The following PDCL2 variants were observed in gnomAD, a reference collection of about 807,000 sequenced individuals.
PDCL2 encodes phosducin like 2, also known as phosducin-like protein 2.
In PDCL2, 23 loss-of-function variants were observed where a neutral mutation model predicts 30.3. The ratio of observed to expected loss-of-function variants is 0.76; its 90% CI spans 0.55 to 1.08. The LOEUF is 1.08. Ranked by LOEUF, PDCL2 falls within the 50% of genes least tolerant of loss-of-function variation. PDCL2 has a pLI of 0.00. For synonymous variants in PDCL2, 68 were observed against 86.2 expected, an observed-to-expected ratio of 0.79 and a Z score of 1.17; for missense variants, 243 against 282.3, an observed-to-expected ratio of 0.86 and a Z score of 1.00.
chr4:55,579,177 C>CT (rs1017154763), intron 3 of PDCL2, among the ~76,000 whole-genome samples: 66 of 139,978 alleles, frequency 4.7e-4, no homozygotes, highest in Admixed American at 7.9e-4. Context: ...ACTCCTGGGA[C>CT]TTTTTTTTTT....
At chr4:55,567,344 G>A (rs1400204826) in intron 4 of PDCL2, among the ~76,000 whole-genome samples, 4 of 152,018 alleles carry the variant, frequency 2.6e-5, no homozygotes, top group Non-Finnish European at 5.9e-5. Context: ...ACCGGTCTGG[G>A]CGACATAACA....
At chr4:55,571,557 G>T (rs1311264677) in intron 3 of PDCL2, among the ~76,000 whole-genome samples, 3 of 91,130 alleles carry the variant, frequency 3.3e-5, no homozygotes, top group African/African-American at 1.0e-4. Context: ...CATGGTGGCG[G>T]GCGCCTGTGG....
At position 55,557,757 on chromosome 4, in the gene PDCL2, A is replaced by G. The variant is rs753475563; in HGVS notation, c.572-1046T>C. Among the ~76,000 whole-genome samples the G allele has an allele frequency of 2.0e-5, 3 of 151,722 alleles. 1 individual carries two copies. The highest frequency in any genetic ancestry group is 4.4e-5 in the Non-Finnish European group (3 of 67,952). On this transcript the variant is annotated intron_variant, in intron 5 of 5. Transcript: ENST00000295645. ...CTCATCTAAATCAGATATAGGTAAG[A>G]CTCAAGACACAATTTATACTGAGGC... is the stretch of plus-strand genomic sequence containing the variant.
intron 3 of PDCL2, among the ~76,000 whole-genome samples, chr4:55,572,357 C>T (rs562276835): frequency 6.6e-6 from 1 of 152,304 alleles, no homozygotes; most frequent in South Asian, 2.1e-4. Context: ...GAACAACATG[C>T]AAAACTGGTA....
intron 4 of PDCL2, among the ~76,000 whole-genome samples, chr4:55,565,086 T>TA (rs1236744453): frequency 2.0e-5 from 3 of 152,146 alleles, no homozygotes; most frequent in Non-Finnish European, 4.4e-5. Flanking sequence ...GATACACACT[T>TA]AAACAATTAC....
chr4:55,562,714 T>A, intron 4 of PDCL2, 102 bp from the exon 5 acceptor site: 1 of 735,534 alleles, frequency 1.4e-6, no homozygotes, highest in Non-Finnish European at 2.1e-6. Context: ...TATCTTAGAT[T>A]AATATAAAAG....
chr4:55,571,686 C>CAAAAAAAA lies in PDCL2; in HGVS notation c.219-1833_219-1826dup, dbSNP rs761336707. Among the ~76,000 whole-genome samples the CAAAAAAAA allele has an allele frequency of 8.1e-5, 3 of 36,898 alleles. No homozygotes were observed. The South Asian group carries it at 2.1e-3, about 26-fold the overall frequency. The allele number at this position is 36,898 out of a possible 152,430, so 24.2% of individuals were successfully genotyped here. ...TGGGCGACAGAGTGAGACTCCATCT[C>CAAAAAAAA]AAAAAAAAAAAAAATTTTTGACCTT... On this transcript the variant is annotated intron_variant, in intron 3 of 5. Transcript: ENST00000295645.
chr4:55,587,306 G>GGA (rs1732888613), intron 1 of PDCL2, among the ~76,000 whole-genome samples: 1 of 149,620 alleles, frequency 6.7e-6, no homozygotes, highest in East Asian at 1.9e-4. Context: ...TTATAAGGAA[G>GGA]GAGACTTCAT....
At chr4:55,570,664 A>G (rs1325655598) in intron 3 of PDCL2, among the ~76,000 whole-genome samples, 2 of 150,708 alleles carry the variant, frequency 1.3e-5, no homozygotes, top group African/African-American at 2.4e-5. Flanking sequence ...CATTCAATAA[A>G]TGTTGCTACC....
At chr4:55,586,192 T>C (rs1187777728) in intron 1 of PDCL2, among the ~76,000 whole-genome samples, 3 of 152,208 alleles carry the variant, frequency 2.0e-5, no homozygotes, top group African/African-American at 7.2e-5. Context: ...TTTTAAACTT[T>C]CTCTTCTAAT....
chr4:55,587,029 C>G (rs981104120), intron 1 of PDCL2, among the ~76,000 whole-genome samples: 3 of 151,362 alleles, frequency 2.0e-5, no homozygotes, highest in African/African-American at 7.3e-5. Context: ...ATATCTTAGA[C>G]TGGGTAAATT....
intron 3 of PDCL2, among the ~76,000 whole-genome samples, chr4:55,580,365 G>A (rs919624742): frequency 6.6e-6 from 1 of 152,150 alleles, no homozygotes; most frequent in Non-Finnish European, 1.5e-5. Context: ...AAGTACTTTA[G>A]AAATTAGAAC....
rs74678800 is a variant in PDCL2 at position 55,574,129 on chromosome 4, A to G, written c.219-4268T>C. Among the ~76,000 whole-genome samples the G allele has an allele frequency of 2.6e-4, 40 of 152,368 alleles. No homozygotes were observed. The East Asian group carries it at 5.6e-3, about 21-fold the overall frequency. On this transcript the variant is annotated intron_variant, in intron 3 of 5. Transcript: ENST00000295645. ...GATAAGTACAGAATTTCTTAAGAAC[A>G]AGTAATATTTTTAAACATTCAGGTA...
chr4:55,572,809 G>A (rs955641919), intron 3 of PDCL2, among the ~76,000 whole-genome samples: 3 of 152,030 alleles, frequency 2.0e-5, no homozygotes, highest in African/African-American at 4.8e-5. Flanking sequence ...CGCCCAGGCC[G>A]GAGTGCAGTG....
intron 1 of PDCL2, among the ~76,000 whole-genome samples, chr4:55,587,553 GT>G (rs974330050): frequency 1.7e-4 from 26 of 150,264 alleles, no homozygotes; most frequent in African/African-American, 6.1e-4. Context: ...TTCTTTTTCT[GT>G]TTTTTTTAAA....
Position 55,569,845 on chromosome 4 carries a change from C to A in PDCL2, c.235G>T (p.Glu79Ter). The A allele has an allele frequency of 6.6e-7, 1 of 1,523,752 alleles. No individual in the cohort carries two copies. Among genetic ancestry groups the A allele is most frequent in the South Asian group, 1.2e-5 (1 of 81,962 alleles). The allele number at this position is 1,523,752 out of a possible 1,614,324, so 94.4% of individuals were successfully genotyped here. Reference protein sequence around the residue: ...VETYRKKRLQEWKALKKKQKF... With the variant: ...VETYRKKRLQ ...TGTTTTTTCTTAAGAGCTTTCCATT[C>A]CTGTAACCGCTTCTTTCTAATTAAA... The change falls in exon 4 of 6, where the codon GAA (glutamate) becomes TAA (stop). Residue 79 changes from glutamate (E) to a stop codon, truncating the protein, a stop_gained. Coordinates refer to ENST00000295645, the MANE Select transcript of PDCL2 (RefSeq NM_152401.3). LOFTEE classifies it high-confidence loss of function.
chr4:55,566,736 T>G (rs752898943), intron 4 of PDCL2, among the ~76,000 whole-genome samples: 95 of 152,106 alleles, frequency 6.2e-4, no homozygotes, highest in Admixed American at 1.6e-3. Context: ...GCCCCAGGAA[T>G]GTATTTTCTT....
In PDCL2 at chr4:55,556,601, G is replaced by C; in HGVS notation, c.682C>G (p.His228Asp). 1 of 1,573,808 alleles carries C rather than the reference G, an allele frequency of 6.4e-7. No individual in the cohort carries two copies. The highest frequency in any genetic ancestry group is 1.2e-5 in the South Asian group (1 of 85,894). The change falls in exon 6 of 6, where the codon CAT (histidine) becomes GAT (aspartate). Residue 228 changes from histidine to aspartate, a missense_variant. By Grantham distance (81) the His-to-Asp change is moderately conservative. Transcript: ENST00000295645. The part of the protein sequence containing the change: ...MVSSIRNTSI[H>D]DDSDSSNSDN... Reference sequence around the variant, plus strand: ...CTGTTGGAGCTATCACTGTCATCATGAATAGAAGTGTTTCTAATTGAAGAT... The same window carrying C: ...CTGTTGGAGCTATCACTGTCATCATCAATAGAAGTGTTTCTAATTGAAGAT...
intron 4 of PDCL2, among the ~76,000 whole-genome samples, chr4:55,562,889 T>C (rs1475596650): frequency 6.9e-6 from 1 of 145,624 alleles, no homozygotes; most frequent in Non-Finnish European, 1.5e-5. Flanking sequence ...ATCAGTTTGG[T>C]TCAAGCAGGT....
Sources: gnomAD v4.1 joint callset for allele counts (sites outside exome capture counted in the v4.1 genomes callset) on GRCh38, gnomAD v4.1.1 for gene constraint, MANE v1.5 for transcripts, NCBI Gene and HGNC (gene_info 2026-07-23, HGNC 2026-07-21) for gene names.